Variants in CNTN5 observed in about 807,000 individuals in gnomAD.
The protein encoded by CNTN5 is contactin-5.
CNTN5 carries 77 observed loss-of-function variants against 129.1 expected under a neutral mutation model. The observed-to-expected ratio is 0.60, with a 90% CI of 0.50 to 0.72. The LOEUF (loss-of-function observed/expected upper bound fraction) is 0.72. Ranked by LOEUF, CNTN5 falls within the 30% of genes least tolerant of loss-of-function variation. The pLI, the probability that CNTN5 is intolerant of heterozygous loss-of-function variation, is 0.00. For synonymous variants in CNTN5, 509 were observed against 465.6 expected, an observed-to-expected ratio of 1.09 and a Z score of -1.20; for missense variants, 1,478 against 1,328.8, an observed-to-expected ratio of 1.11 and a Z score of -1.75.
intron 1 of CNTN5, among the ~76,000 whole-genome samples, chr11:99,101,242 A>G (rs1234424776): frequency 2.6e-5 from 4 of 152,164 alleles, no homozygotes; most frequent in Non-Finnish European, 5.9e-5. Context: ...GTTTCCTGCC[A>G]CAACACATGG....
chr11:100,284,283 T>C (rs1294345218), intron 18 of CNTN5, among the ~76,000 whole-genome samples: 1 of 152,234 alleles, frequency 6.6e-6, no homozygotes, highest in Admixed American at 6.5e-5. Flanking sequence ...AGCAGTGTCC[T>C]TGCCAAGGGG....
chr11:100,312,759 C>A (rs1951494428), intron 21 of CNTN5, among the ~76,000 whole-genome samples: 1 of 151,980 alleles, frequency 6.6e-6, no homozygotes, highest in African/African-American at 2.4e-5. Flanking sequence ...TCTAAAACAG[C>A]AAGCTACTAC....
intron 7 of CNTN5, among the ~76,000 whole-genome samples, chr11:99,951,771 A>G (rs766832098): frequency 6.6e-5 from 10 of 152,108 alleles, no homozygotes; most frequent in Admixed American, 3.9e-4. Flanking sequence ...ATTTAGCCCA[A>G]CAACAAGCAT....
At chr11:99,787,623 C>T (rs185230097) in intron 3 of CNTN5, among the ~76,000 whole-genome samples, 6 of 151,340 alleles carry the variant, frequency 4.0e-5, no homozygotes, top group African/African-American at 1.5e-4. Context: ...AAGAAAAGAA[C>T]AGAAATGGTT....
chr11:99,931,335 A>C (rs1420505077), intron 7 of CNTN5, among the ~76,000 whole-genome samples: 1 of 152,212 alleles, frequency 6.6e-6, no homozygotes, highest in Non-Finnish European at 1.5e-5. Flanking sequence ...ATGGAAAACT[A>C]AACTATCACA....
intron 9 of CNTN5, among the ~76,000 whole-genome samples, chr11:100,052,180 A>T (rs970259585): frequency 1.3e-5 from 2 of 152,070 alleles, no homozygotes; most frequent in Non-Finnish European, 2.9e-5. Context: ...AAAATCCATT[A>T]TACACGATGA....
In CNTN5 at chr11:99,972,085, TAAAAAAAAA is replaced by T. The variant is rs71050038; in HGVS notation, c.877+15094_877+15102del. 4.3e-3 allele frequency among the ~76,000 whole-genome samples: 397 copies of T among 92,204 alleles called. 2 individuals carry two copies. The highest frequency in any genetic ancestry group is 0.029 in the South Asian group (68 of 2,378). The allele number at this position is 92,204 out of a possible 152,430, so 60.5% of individuals were successfully genotyped here. On this transcript the variant is annotated intron_variant, in intron 8 of 24. Coordinates refer to ENST00000524871, the MANE Select transcript of CNTN5 (RefSeq NM_014361.4). ...TAACACGGTGAAAACTTATCTCTATTAAAAAAAAAAAAAAAAAAAAAAAAAATTAGCCGG... is the reference window on the plus strand; with the variant it reads ...TAACACGGTGAAAACTTATCTCTATTAAAAAAAAAAAAAAAAATTAGCCGG...
At chr11:100,155,945 T>G (rs1268269616) in intron 13 of CNTN5, among the ~76,000 whole-genome samples, 2 of 152,164 alleles carry the variant, frequency 1.3e-5, no homozygotes, top group Non-Finnish European at 2.9e-5. Context: ...TCTTGTCATC[T>G]GCAAACAGAG....
chr11:100,130,644 G>A (rs2138206200), intron 13 of CNTN5, among the ~76,000 whole-genome samples: 1 of 152,148 alleles, frequency 6.6e-6, no homozygotes, highest in East Asian at 1.9e-4. Context: ...GATGCCATGG[G>A]TTTGGGCTTA....
intron 3 of CNTN5, among the ~76,000 whole-genome samples, chr11:99,786,121 C>G (rs138250686): frequency 6.6e-6 from 1 of 152,020 alleles, no homozygotes; most frequent in African/African-American, 2.4e-5. Context: ...GTCTCAGCCC[C>G]AAATCTCCTT....
chr11:99,157,345 A>C (rs920876598), intron 1 of CNTN5, among the ~76,000 whole-genome samples: 1 of 152,052 alleles, frequency 6.6e-6, no homozygotes, highest in Non-Finnish European at 1.5e-5. Flanking sequence ...GACTTCTGTG[A>C]AAAATCAGTA....
At chr11:100,350,554 A>G (rs960144068) in intron 23 of CNTN5, 148 bp from the exon 24 acceptor site, 15 of 532,406 alleles carry the variant, frequency 2.8e-5, no homozygotes, top group Non-Finnish European at 4.2e-5. Context: ...CTTCTACTGC[A>G]GTAGACTGCA....
rs115038676 is a variant in CNTN5, at chr11:99,143,647, G to A, written c.-210+122377G>A. On this transcript the variant is annotated intron_variant, in intron 1 of 24. Transcript: ENST00000524871. ...GCTGTACATGGCTATATTAAGTTAT[G>A]TGCACTACTGATTTTACCTTTTTGG... Among the ~76,000 whole-genome samples, 1,190 of 152,020 alleles carry A rather than the reference G, an allele frequency of 7.8e-3. 19 individuals are homozygous for A. The highest frequency in any genetic ancestry group is 0.026 in the African/African-American group (1,098 of 41,468).
intron 2 of CNTN5, among the ~76,000 whole-genome samples, chr11:99,482,339 C>T (rs1027437764): frequency 6.6e-6 from 1 of 152,110 alleles, no homozygotes; most frequent in Admixed American, 6.6e-5. Context: ...TTCTACATTG[C>T]TTTAAATGAT....
chr11:100,251,419 T>G (rs991627089), intron 16 of CNTN5, among the ~76,000 whole-genome samples: 1 of 152,110 alleles, frequency 6.6e-6, no homozygotes, highest in African/African-American at 2.4e-5. Context: ...TATCTTTTCT[T>G]TGTGTTGGGA....
At chr11:99,446,329 T>C (rs573446190) in intron 2 of CNTN5, among the ~76,000 whole-genome samples, 1 of 152,280 alleles carries the variant, frequency 6.6e-6, no homozygotes, top group African/African-American at 2.4e-5. Context: ...GAATGTGCTA[T>C]TGATCACAAA....
intron 2 of CNTN5, among the ~76,000 whole-genome samples, chr11:99,381,288 T>C (rs532597928): frequency 6.6e-6 from 1 of 152,304 alleles, no homozygotes; most frequent in Admixed American, 6.5e-5. Flanking sequence ...TTCAAAAGTC[T>C]TCTCACAGGA....
At chr11:99,872,182 T>C (rs1948520107) in intron 6 of CNTN5, among the ~76,000 whole-genome samples, 2 of 152,068 alleles carry the variant, frequency 1.3e-5, no homozygotes, top group South Asian at 2.1e-4. Context: ...CCTGTTTTTA[T>C]AACAAGTGAT....
intron 1 of CNTN5, among the ~76,000 whole-genome samples, chr11:99,101,983 A>T (rs909299582): frequency 1.4e-4 from 22 of 152,172 alleles, no homozygotes; most frequent in Non-Finnish European, 1.5e-5. Flanking sequence ...CTGCCAGGAC[A>T]TCCAGGCATT....
Sources: gnomAD v4.1 joint callset for allele counts (sites outside exome capture counted in the v4.1 genomes callset) on GRCh38, gnomAD v4.1.1 for gene constraint, MANE v1.5 for transcripts, NCBI Gene and HGNC (gene_info 2026-07-23, HGNC 2026-07-21) for gene names.